The following PRKCQ variants were observed in gnomAD, a reference collection of about 807,000 sequenced individuals.
PRKCQ encodes protein kinase C theta, also known as protein kinase C theta type.
Under a neutral mutation model 91.2 loss-of-function variants are expected in PRKCQ, and 41 were observed. The ratio of observed to expected loss-of-function variants is 0.45; its 90% CI spans 0.35 to 0.58. PRKCQ has a LOEUF of 0.58. Among genes scored for constraint, PRKCQ ranks in the 20% least tolerant of loss-of-function variants. PRKCQ has a pLI of 0.00. For synonymous variants in PRKCQ, 307 were observed against 316.9 expected (o/e 0.97, Z 0.33); for missense variants, 673 against 896.5 (o/e 0.75, Z 3.18).
intron 12 of PRKCQ, among the ~76,000 whole-genome samples, chr10:6,475,973 A>C (rs1006483617): frequency 1.3e-5 from 2 of 152,068 alleles, no homozygotes; most frequent in African/African-American, 4.8e-5. Flanking sequence ...TTTCTCTCCC[A>C]GCACCAATGC....
chr10:6,507,715 G>A (rs1838266900), intron 3 of PRKCQ, among the ~76,000 whole-genome samples: 1 of 152,106 alleles, frequency 6.6e-6, no homozygotes, highest in South Asian at 2.1e-4. Context: ...AATTTTATTT[G>A]GAGAGAAAAA....
At chr10:6,565,336 G>C (rs921513821) in intron 1 of PRKCQ, among the ~76,000 whole-genome samples, 1 of 152,164 alleles carries the variant, frequency 6.6e-6, no homozygotes, top group Non-Finnish European at 1.5e-5. Context: ...AGATACATAT[G>C]CTCTCTGTTC....
the PRKCQ span, among the ~76,000 whole-genome samples, chr10:6,412,485 T>C: frequency 7.2e-5 from 11 of 152,216 alleles, no homozygotes; most frequent in Admixed American, 3.9e-4. Context: ...CTTGCTAAGA[T>C]ATCAAAGCAT....
intron 7 of PRKCQ, among the ~76,000 whole-genome samples, chr10:6,494,497 G>A (rs1837486533): frequency 6.6e-6 from 1 of 151,898 alleles, no homozygotes; most frequent in South Asian, 2.1e-4. Flanking sequence ...TCAGACTAAT[G>A]CCTCCAAGAT....
intron 2 of PRKCQ, among the ~76,000 whole-genome samples, 161 bp from the exon 3 acceptor site, chr10:6,511,355 G>A (rs1254649545): frequency 6.6e-6 from 1 of 152,210 alleles, no homozygotes; most frequent in Admixed American, 6.5e-5. Context: ...ATATGGGACA[G>A]AATGAGACAG....
At chr10:6,580,479 C>G (rs886697352), upstream of PRKCQ, 16 of 152,326 alleles carry the variant, frequency 1.1e-4, no homozygotes, top group African/African-American at 3.6e-4. Context: ...CGCGCCCAGG[C>G]TCCCGCCCCT....
In PRKCQ at chr10:6,511,083, T is replaced by C; in HGVS notation, c.230A>G (p.Lys77Arg). The C allele has an allele frequency of 6.2e-7, 1 of 1,614,206 alleles. No individual in the cohort carries two copies. Among genetic ancestry groups the C allele is most frequent in the East Asian group, 2.2e-5 (1 of 44,886 alleles). The change falls in exon 3 of 18, where the codon AAA becomes AGA. Residue 77 changes from lysine (K) to arginine (R), a missense_variant. Coordinates refer to ENST00000263125, the MANE Select transcript of PRKCQ (RefSeq NM_006257.5). ...GGTTTCAGAGATGAGGTCCACGTTTTTGCCTTTCACAATGATCTGCATGAC... is the reference window on the plus strand; with the variant it reads ...GGTTTCAGAGATGAGGTCCACGTTTCTGCCTTTCACAATGATCTGCATGAC... ...GRVMQIIVKG[K>R]NVDLISETTV...
chr10:6,575,816 T>A (rs983794878), intron 1 of PRKCQ, among the ~76,000 whole-genome samples: 4 of 151,996 alleles, frequency 2.6e-5, no homozygotes, highest in Non-Finnish European at 5.9e-5. Context: ...CCAAGGTGGG[T>A]GGATCATGAG....
chr10:6,506,545 TC>T (rs1483452846), intron 4 of PRKCQ, among the ~76,000 whole-genome samples: 6 of 152,218 alleles, frequency 3.9e-5, no homozygotes, highest in African/African-American at 1.2e-4. Context: ...AATATTATTA[TC>T]ACACCTAAAA....
At chr10:6,500,230 TTATAACATGTGACTTGTTTC>T (rs1310360236) in intron 4 of PRKCQ, among the ~76,000 whole-genome samples, 2 of 152,134 alleles carry the variant, frequency 1.3e-5, no homozygotes, top group Admixed American at 1.3e-4. Flanking sequence ...GGTCATTTGT[TTATAACATGTGACTTGTTTC>T]TATTTTGGTC....
rs753977838 is a variant in PRKCQ at position 6,576,675 on chromosome 10, G to A, written c.-10+3536C>T. Among the ~76,000 whole-genome samples, 1 of 152,182 alleles carries A rather than the reference G, an allele frequency of 6.6e-6. No homozygotes were observed. Among genetic ancestry groups the A allele is most frequent in the Non-Finnish European group, 1.5e-5 (1 of 68,028 alleles). On this transcript the variant is annotated intron_variant, in intron 1 of 17. Coordinates refer to ENST00000263125, the MANE Select transcript of PRKCQ (RefSeq NM_006257.5). This position sits in a 1 kb window ranked among gnomAD's most constrained non-coding sequence, Gnocchi z 4.2. ...TATACTTAATGTCACTGAACTGTACGCTAGAAAATAGTTAAGAAGTTAAAT... is the reference window on the plus strand; with the variant it reads ...TATACTTAATGTCACTGAACTGTACACTAGAAAATAGTTAAGAAGTTAAAT...
chr10:6,527,215 G>A (rs1249189080), intron 1 of PRKCQ, among the ~76,000 whole-genome samples: 1 of 152,176 alleles, frequency 6.6e-6, no homozygotes, highest in Non-Finnish European at 1.5e-5. Flanking sequence ...ATGAACTAAG[G>A]ATGTAAAAGT....
At chr10:6,474,440 T>C (rs1836163524) in intron 12 of PRKCQ, among the ~76,000 whole-genome samples, 1 of 152,210 alleles carries the variant, frequency 6.6e-6, no homozygotes. Flanking sequence ...CAGAGGAAGG[T>C]AGACTTTAGT....
At chr10:6,404,823 C>A in the PRKCQ span, among the ~76,000 whole-genome samples, 1 of 131,888 alleles carries the variant, frequency 7.6e-6, no homozygotes. Context: ...TTCATTCTTT[C>A]TTTCCTTCTT....
At chr10:6,419,648 T>A in the PRKCQ span, among the ~76,000 whole-genome samples, 2 of 151,966 alleles carry the variant, frequency 1.3e-5, no homozygotes, top group Non-Finnish European at 2.9e-5. Context: ...TTTCTGTGTA[T>A]CACCCACTCT....
At chr10:6,416,919 A>G in the PRKCQ span, among the ~76,000 whole-genome samples, 1 of 152,162 alleles carries the variant, frequency 6.6e-6, no homozygotes, top group African/African-American at 2.4e-5. Context: ...TGCAGGAGTA[A>G]GGTGGTATGA....
chr10:6,447,752 C>T (rs1834399966), intron 15 of PRKCQ, among the ~76,000 whole-genome samples: 3 of 152,224 alleles, frequency 2.0e-5, no homozygotes, highest in Admixed American at 2.0e-4. Flanking sequence ...AATTCTCTGC[C>T]TCACCTAGTC....
At chr10:6,395,094 G>A in the PRKCQ span, among the ~76,000 whole-genome samples, 2 of 127,532 alleles carry the variant, frequency 1.6e-5, no homozygotes, top group African/African-American at 3.0e-5. Flanking sequence ...ACGGAGTCTC[G>A]CTCTGTCTCC....
the PRKCQ span, among the ~76,000 whole-genome samples, chr10:6,410,415 A>T: frequency 1.3e-5 from 2 of 152,210 alleles, no homozygotes; most frequent in Non-Finnish European, 2.9e-5. Context: ...GGAATACTCC[A>T]TCATACCAGC....
Sources: allele counts gnomAD v4.1 joint callset (sites outside exome capture counted in the v4.1 genomes callset), GRCh38; gene constraint gnomAD v4.1.1; non-coding constraint Gnocchi (gnomAD v3.1); transcripts MANE v1.5; gene names NCBI Gene and HGNC (gene_info 2026-07-23, HGNC 2026-07-21).